Variants in CSTPP1 observed in about 807,000 individuals in gnomAD.
The protein encoded by CSTPP1 is centriolar satellite-associated tubulin polyglutamylase complex regulator 1, also known as UPF0705 protein C11orf49.
chr11:46,999,018 G>A, the CSTPP1 span, among the ~76,000 whole-genome samples: 2 of 152,050 alleles, frequency 1.3e-5, no homozygotes, highest in Non-Finnish European at 2.9e-5. Context: ...GGGATTACAG[G>A]TGTGAGCCAC....
the CSTPP1 span, among the ~76,000 whole-genome samples, chr11:47,039,899 AGG>A: frequency 2.3e-5 from 3 of 128,794 alleles, 1 homozygote; most frequent in Non-Finnish European, 5.6e-5. Context: ...CCTTGTGCTC[AGG>A]GACCCTGGAG....
At chr11:47,158,041 C>T in the CSTPP1 span, 14 of 879,202 alleles carry the variant, frequency 1.6e-5, no homozygotes, top group South Asian at 1.8e-4. Context: ...CCTTGACTTC[C>T]CAGGGCCGGA....
At chr11:47,118,001 T>C in the CSTPP1 span, among the ~76,000 whole-genome samples, 1 of 149,602 alleles carries the variant, frequency 6.7e-6, no homozygotes, top group Non-Finnish European at 1.5e-5. Context: ...TGCCTCAGCC[T>C]CTTGAGTAGC....
chr11:47,013,057 A>C, the CSTPP1 span, among the ~76,000 whole-genome samples: 1 of 147,278 alleles, frequency 6.8e-6, no homozygotes, highest in African/African-American at 2.5e-5. Context: ...TATATAAATA[A>C]TAACATATAT....
the CSTPP1 span, among the ~76,000 whole-genome samples, chr11:47,097,591 A>G: frequency 2.1e-5 from 1 of 47,154 alleles, no homozygotes; most frequent in African/African-American, 8.5e-5. Flanking sequence ...TGGGGGGGTC[A>G]GCCCTCCGCC....
the CSTPP1 span, among the ~76,000 whole-genome samples, chr11:47,036,336 G>A: frequency 1.1e-5 from 1 of 93,204 alleles, no homozygotes; most frequent in Non-Finnish European, 2.4e-5. Context: ...ACAAACAAGT[G>A]AAGCAAATTG....
chr11:47,146,661 T>C, the CSTPP1 span, among the ~76,000 whole-genome samples: 1 of 152,294 alleles, frequency 6.6e-6, no homozygotes, highest in Non-Finnish European at 1.5e-5. Flanking sequence ...TGTAAATTGT[T>C]ACAATTACTT....
At chr11:47,014,587 C>G in the CSTPP1 span, among the ~76,000 whole-genome samples, 1 of 151,926 alleles carries the variant, frequency 6.6e-6, no homozygotes, top group Non-Finnish European at 1.5e-5. Context: ...ACTATAATCC[C>G]AGCTATTCGG....
the CSTPP1 span, chr11:47,155,281 A>C: frequency 1.9e-6 from 3 of 1,598,612 alleles, no homozygotes; most frequent in Non-Finnish European, 2.6e-6. Context: ...CCGGGGCTCC[A>C]TCTGGCTCCG....
the CSTPP1 span, among the ~76,000 whole-genome samples, chr11:47,086,234 C>CAA: frequency 0.16 from 14,288 of 89,196 alleles, 2,951 homozygotes; most frequent in Non-Finnish European, 0.19. Context: ...ACTAAAAATC[C>CAA]AAAAAAAAAA....
At chr11:47,002,912 C>T in the CSTPP1 span, among the ~76,000 whole-genome samples, 1 of 152,196 alleles carries the variant, frequency 6.6e-6, no homozygotes, top group African/African-American at 2.4e-5. Flanking sequence ...CTTCACACCA[C>T]CACTCTGATA....
At chr11:47,055,232 C>T in the CSTPP1 span, among the ~76,000 whole-genome samples, 1 of 152,036 alleles carries the variant, frequency 6.6e-6, no homozygotes, top group Non-Finnish European at 1.5e-5. Flanking sequence ...CATGCCTGGT[C>T]TCCTACTTTC....
chr11:47,161,098 T>TCTGAGGC, the CSTPP1 span: 1 of 1,613,886 alleles, frequency 6.2e-7, no homozygotes, highest in Non-Finnish European at 8.5e-7. Context: ...GCCCTCAGAT[T>TCTGAGGC]AACTACTGTG....
chr11:47,037,798 A>G, the CSTPP1 span, among the ~76,000 whole-genome samples: 2 of 127,614 alleles, frequency 1.6e-5, no homozygotes, highest in African/African-American at 4.9e-5. Context: ...TTCTACACAG[A>G]CACGGCAACC....
chr11:46,974,595 C>T, the CSTPP1 span, among the ~76,000 whole-genome samples: 5 of 151,486 alleles, frequency 3.3e-5, no homozygotes, highest in Non-Finnish European at 5.9e-5. Context: ...AATCCCAGCA[C>T]TTTGGGAGGC....
At chr11:47,132,812 G>A in the CSTPP1 span, among the ~76,000 whole-genome samples, 3 of 152,322 alleles carry the variant, frequency 2.0e-5, no homozygotes, top group Non-Finnish European at 4.4e-5. Flanking sequence ...GATCCCACCT[G>A]CTAGGGTGGA....
chr11:47,068,318 G>A, the CSTPP1 span, among the ~76,000 whole-genome samples: 10 of 152,186 alleles, frequency 6.6e-5, no homozygotes, highest in African/African-American at 2.4e-4. Context: ...GATCATTTGA[G>A]GCCAGGAGTT....
chr11:46,978,494 A>G, the CSTPP1 span, among the ~76,000 whole-genome samples: 35 of 152,246 alleles, frequency 2.3e-4, no homozygotes, highest in Non-Finnish European at 4.7e-4. Flanking sequence ...TTTTTATACC[A>G]TTAATTTAGA....
At chr11:47,114,693 C>T in the CSTPP1 span, among the ~76,000 whole-genome samples, 3 of 152,310 alleles carry the variant, frequency 2.0e-5, no homozygotes, top group East Asian at 5.8e-4. Context: ...TATCCTGAGA[C>T]TTTGCTGCAG....
Sources: gnomAD v4.1 joint callset for allele counts (sites outside exome capture counted in the v4.1 genomes callset) on GRCh38, gnomAD v4.1.1 for gene constraint, MANE v1.5 for transcripts, NCBI Gene and HGNC (gene_info 2026-07-23, HGNC 2026-07-21) for gene names.